The following SUGCT variants were observed in gnomAD, a reference collection of about 807,000 sequenced individuals.
The protein encoded by SUGCT is succinyl-CoA:glutarate-CoA transferase, also known as succinyl-CoA:glutarate CoA-transferase.
In SUGCT, 41 loss-of-function variants were observed where a neutral mutation model predicts 55.0. The observed-to-expected ratio is 0.74, with a 90% CI of 0.58 to 0.97. The LOEUF (loss-of-function observed/expected upper bound fraction) is 0.97, where lower values mean the gene tolerates loss of function less well. SUGCT is among the 50% of genes least tolerant of loss of function. The pLI, the probability that SUGCT is intolerant of heterozygous loss-of-function variation, is 0.00. For missense variants in SUGCT, 568 were observed against 547.8 expected, an observed-to-expected ratio of 1.04 and a Z score of -0.37; for synonymous variants, 187 against 200.4, an observed-to-expected ratio of 0.93 and a Z score of 0.56.
the SUGCT span, among the ~76,000 whole-genome samples, chr7:40,899,552 C>T: frequency 6.6e-6 from 1 of 152,062 alleles, no homozygotes; most frequent in Admixed American, 6.5e-5. Flanking sequence ...ACTCATAAGA[C>T]GGCATTATGA....
chr7:41,034,239 A>ATG, the SUGCT span, among the ~76,000 whole-genome samples: 1 of 152,158 alleles, frequency 6.6e-6, no homozygotes. Flanking sequence ...GTGCGTGCGT[A>ATG]TGTGTGTGTG....
At chr7:40,184,835 T>G (rs1584280439) in intron 3 of SUGCT, among the ~76,000 whole-genome samples, 1 of 152,326 alleles carries the variant, frequency 6.6e-6, no homozygotes, top group East Asian at 1.9e-4. Flanking sequence ...GATAGCCATA[T>G]AAAGTAGAAT....
chr7:40,440,149 T>G (rs1258292884), intron 9 of SUGCT, among the ~76,000 whole-genome samples: 49 of 11,292 alleles, frequency 4.3e-3, no homozygotes, highest in East Asian at 0.014. Context: ...GTGTGTGTTT[T>G]TTTTTTTTTT....
chr7:40,241,871 G>C (rs1789417524), intron 7 of SUGCT, among the ~76,000 whole-genome samples: 2 of 143,172 alleles, frequency 1.4e-5, no homozygotes, highest in Non-Finnish European at 3.0e-5. Context: ...AGTGAGCTGA[G>C]ATCACGCCAC....
chr7:41,035,485 C>G, the SUGCT span, among the ~76,000 whole-genome samples: 1 of 152,134 alleles, frequency 6.6e-6, no homozygotes, highest in African/African-American at 2.4e-5. Flanking sequence ...GGTTGCTGGG[C>G]CTCCCAAATG....
At chr7:40,437,607 G>A (rs1441105256) in intron 9 of SUGCT, among the ~76,000 whole-genome samples, 2 of 152,176 alleles carry the variant, frequency 1.3e-5, no homozygotes, top group African/African-American at 2.4e-5. Context: ...AGAGCAGTCT[G>A]TGCCTCATTG....
rs1263809223 is a variant in SUGCT, at chr7:40,467,052, A to G, written c.986+7854A>G. Among the ~76,000 whole-genome samples, 14 of 152,114 alleles carry G rather than the reference A, an allele frequency of 9.2e-5. No individual in the cohort carries two copies. The South Asian group carries it at 1.0e-3, about 11-fold the overall frequency. The stretch of plus-strand genomic sequence containing the variant: ...CCCCACCTCTACTAAAATACAAAAA[A>G]CTAGCTGGGCATGGTGGTGCACGCC... On this transcript the variant is annotated intron_variant, in intron 11 of 13. Coordinates refer to ENST00000335693, the MANE Select transcript of SUGCT (RefSeq NM_001193313.2).
At chr7:40,580,199 CACAG>C (rs1447800148) in intron 12 of SUGCT, among the ~76,000 whole-genome samples, 1 of 152,092 alleles carries the variant, frequency 6.6e-6, no homozygotes, top group African/African-American at 2.4e-5. Context: ...ACATACAATA[CACAG>C]AATATGCACA....
intron 1 of SUGCT, among the ~76,000 whole-genome samples, chr7:40,168,910 G>A (rs1395900237): frequency 2.0e-5 from 3 of 151,926 alleles, no homozygotes; most frequent in Non-Finnish European, 4.4e-5. Flanking sequence ...TTTTGGCTTC[G>A]GTATCTGCTT....
intron 12 of SUGCT, among the ~76,000 whole-genome samples, chr7:40,530,742 T>A (rs2151593821): frequency 6.6e-6 from 1 of 152,362 alleles, no homozygotes; most frequent in African/African-American, 2.4e-5. Context: ...CCATCTCTAA[T>A]GGTTTAAATT....
intron 8 of SUGCT, among the ~76,000 whole-genome samples, chr7:40,292,977 A>G (rs1793884068): frequency 6.6e-6 from 1 of 152,224 alleles, no homozygotes; most frequent in Admixed American, 6.5e-5. Context: ...ACTTCATCAT[A>G]TTATTTAATG....
At chr7:40,177,638 A>C (rs1402654676) in intron 1 of SUGCT, among the ~76,000 whole-genome samples, 1 of 152,042 alleles carries the variant, frequency 6.6e-6, no homozygotes, top group Non-Finnish European at 1.5e-5. Context: ...TCCTCCATTT[A>C]TCCCATACCG....
At chr7:40,787,722 A>G (rs1378044011) in intron 13 of SUGCT, among the ~76,000 whole-genome samples, 1 of 146,800 alleles carries the variant, frequency 6.8e-6, no homozygotes, top group South Asian at 2.3e-4. Flanking sequence ...CCAAAGAACC[A>G]GGAAAGGGGC....
chr7:40,728,246 C>T (rs1786708767), intron 12 of SUGCT, among the ~76,000 whole-genome samples: 1 of 152,124 alleles, frequency 6.6e-6, no homozygotes, highest in Non-Finnish European at 1.5e-5. Flanking sequence ...AGGCCAGGTA[C>T]AGTGGCTCAT....
intron 12 of SUGCT, among the ~76,000 whole-genome samples, chr7:40,615,348 C>T (rs1181057211): frequency 1.3e-5 from 2 of 152,108 alleles, no homozygotes; most frequent in African/African-American, 4.8e-5. Flanking sequence ...GACATTCCCA[C>T]CTACCCAGAA....
At chr7:40,407,549 A>G (rs1786441681) in intron 9 of SUGCT, among the ~76,000 whole-genome samples, 1 of 152,128 alleles carries the variant, frequency 6.6e-6, no homozygotes, top group African/African-American at 2.4e-5. Context: ...CAGTACTAAG[A>G]AGAAGATCAT....
intron 9 of SUGCT, among the ~76,000 whole-genome samples, chr7:40,339,369 C>G (rs1307798726): frequency 6.6e-6 from 1 of 152,190 alleles, no homozygotes; most frequent in African/African-American, 2.4e-5. Context: ...GCAGGCAGGC[C>G]TCCTTGAGCT....
chr7:40,527,580 A>G (rs981580785), intron 12 of SUGCT, among the ~76,000 whole-genome samples: 1 of 152,220 alleles, frequency 6.6e-6, no homozygotes, highest in Non-Finnish European at 1.5e-5. Flanking sequence ...TTCACAATGT[A>G]GGAAATTTAG....
intron 13 of SUGCT, among the ~76,000 whole-genome samples, chr7:40,793,855 C>T (rs1054037516): frequency 2.6e-5 from 4 of 152,044 alleles, no homozygotes; most frequent in African/African-American, 4.8e-5. Context: ...TTCTGTTTGG[C>T]AGTTCACTTA....
Sources: allele counts gnomAD v4.1 joint callset (sites outside exome capture counted in the v4.1 genomes callset), GRCh38; gene constraint gnomAD v4.1.1; transcripts MANE v1.5; gene names NCBI Gene and HGNC (gene_info 2026-07-23, HGNC 2026-07-21).